Variants in NUP160 observed in about 807,000 individuals in gnomAD.
NUP160 encodes the protein nucleoporin 160, also known as nuclear pore complex protein Nup160.
Under a neutral mutation model 196.9 loss-of-function variants are expected in NUP160, and 94 were observed. The observed-to-expected ratio is 0.48, with a 90% CI of 0.40 to 0.57. The LOEUF (loss-of-function observed/expected upper bound fraction) is 0.57, where lower values mean the gene tolerates loss of function less well. NUP160 is among the 20% of genes least tolerant of loss of function. The pLI, the probability that NUP160 is intolerant of heterozygous loss-of-function variation, is 0.00. For missense variants in NUP160, 1,638 were observed against 1,748.3 expected, an observed-to-expected ratio of 0.94 and a Z score of 1.13; for synonymous variants, 605 against 619.7, an observed-to-expected ratio of 0.98 and a Z score of 0.35.
intron 4 of NUP160, among the ~76,000 whole-genome samples, chr11:47,839,350 C>T (rs978171513): frequency 6.6e-6 from 1 of 152,150 alleles, no homozygotes; most frequent in African/African-American, 2.4e-5. Context: ...CTTGGCCTCC[C>T]ACAGTGCTGG....
chr11:47,838,641 C>T (rs10838776), intron 4 of NUP160, among the ~76,000 whole-genome samples: 52,545 of 148,956 alleles, frequency 0.35, 10,538 homozygotes, highest in South Asian at 0.53. Flanking sequence ...CTGGGGGGGG[C>T]GGAGGTTGCA....
exon 22 of NUP160, chr11:47,803,512 A>T: frequency 6.2e-7 from 1 of 1,609,956 alleles, no homozygotes; most frequent in Non-Finnish European, 8.5e-7. Flanking sequence ...ACTTGACACC[A>T]GGGATGTAGC....
At chr11:47,811,496 A>G (rs79570866) in intron 17 of NUP160, among the ~76,000 whole-genome samples, 69 of 151,944 alleles carry the variant, frequency 4.5e-4, no homozygotes, top group African/African-American at 1.6e-3. Flanking sequence ...AAAAAAAAAA[A>G]AGAGAGAGAG....
In NUP160 at chr11:47,785,068, A is replaced by C; in HGVS notation, c.3849-5T>G. The C allele has an allele frequency of 7.0e-7, 1 of 1,422,828 alleles. No homozygotes were observed. Among genetic ancestry groups the C allele is most frequent in the Non-Finnish European group, 9.4e-7 (1 of 1,068,840 alleles). The allele number at this position is 1,422,828 out of a possible 1,614,324, so 88.1% of individuals were successfully genotyped here. ...CGCCATGCTTCATCTGTAGCACTTG[A>C]AAAAAACAAAAATGACTAATGAGTT... On this transcript the variant is annotated splice_polypyrimidine_tract_variant and splice_region_variant and intron_variant, in intron 32 of 35. Coordinates refer to ENST00000378460, the Ensembl canonical transcript of NUP160.
intron 18 of NUP160, among the ~76,000 whole-genome samples, chr11:47,807,793 T>C (rs6485783): frequency 0.2 from 30,588 of 152,184 alleles, 3,496 homozygotes; most frequent in East Asian, 0.31. Flanking sequence ...GTATTTTATA[T>C]TCAACATAAT....
chr11:47,804,563 A>C, exon 21 of NUP160: 1 of 1,538,654 alleles, frequency 6.5e-7, no homozygotes, highest in Non-Finnish European at 8.7e-7. Flanking sequence ...AATTGTACAT[A>C]TTGGCAATTT....
In NUP160 at chr11:47,821,778, GC is replaced by G; in HGVS notation, c.1222del (p.Ala408ProfsTer11). The G allele has an allele frequency of 1.2e-6, 2 of 1,614,058 alleles. No individual in the cohort carries two copies. The highest frequency in any genetic ancestry group is 1.7e-6 in the Non-Finnish European group (2 of 1,179,962). On this transcript the variant is annotated frameshift_variant, in exon 9 of 36. Transcript: ENST00000378460. LOFTEE classifies it high-confidence loss of function. ...TTGGTTCTCAGCATCATGCCACAGG[GC>G]CCAGATATCCGTGGAAGTTAAGGCA...
chr11:47,793,280 C>CGGCCAAGGGTTATTAAG, intron 27 of NUP160, among the ~76,000 whole-genome samples: 1 of 152,154 alleles, frequency 6.6e-6, no homozygotes, highest in Non-Finnish European at 1.5e-5. Context: ...CCACCACACC[C>CGGCCAAGGGTTATTAAG]AGCCTTCCAA....
intron 34 of NUP160, among the ~76,000 whole-genome samples, chr11:47,782,101 G>A (rs956634560): frequency 1.3e-5 from 2 of 151,506 alleles, no homozygotes; most frequent in Non-Finnish European, 2.9e-5. Context: ...GGCCAACATG[G>A]TGAAGCCCCA....
intron 10 of NUP160, 25 bp downstream of exon 10, chr11:47,819,347 TTA>T: frequency 7.0e-7 from 1 of 1,422,590 alleles, no homozygotes; most frequent in Non-Finnish European, 9.9e-7. Context: ...AATCATTCCC[TTA>T]TATAACATTT....
chr11:47,842,315 C>T (rs1025111410), intron 2 of NUP160, among the ~76,000 whole-genome samples: 14 of 152,264 alleles, frequency 9.2e-5, no homozygotes, highest in East Asian at 7.7e-4. Flanking sequence ...ACCTTTTCAG[C>T]GCTGATGATT....
At chr11:47,844,936 A>C (rs1852370691) in intron 2 of NUP160, among the ~76,000 whole-genome samples, 1 of 152,098 alleles carries the variant, frequency 6.6e-6, no homozygotes, top group Non-Finnish European at 1.5e-5. Flanking sequence ...GACAAGGGTG[A>C]CCTCCAGTTG....
chr11:47,799,209 C>T (rs1166890011), intron 23 of NUP160, among the ~76,000 whole-genome samples: 3 of 151,808 alleles, frequency 2.0e-5, no homozygotes, highest in Non-Finnish European at 4.4e-5. Context: ...CCTCAGCCTC[C>T]TGTGTAGCTG....
chr11:47,818,032 A>G (rs1326554908), intron 11 of NUP160, 24 bp downstream of exon 11: 20 of 1,493,678 alleles, frequency 1.3e-5, no homozygotes, highest in Admixed American at 3.5e-5. Flanking sequence ...AGTCTTAAAC[A>G]AACAGTAAAT....
chr11:47,829,534 TGG>T (rs1599340463), intron 7 of NUP160, among the ~76,000 whole-genome samples: 3 of 152,156 alleles, frequency 2.0e-5, no homozygotes, highest in African/African-American at 7.2e-5. Context: ...CTCAAATACC[TGG>T]CCTCAAGTGA....
chr11:47,796,152 T>TAAAA (rs35398008), intron 27 of NUP160: 5 of 118,684 alleles, frequency 4.2e-5, no homozygotes, highest in South Asian at 2.1e-4. Context: ...AGACTTCATC[T>TAAAA]AAAAAAAAAA....
At chr11:47,818,004 A>G in intron 11 of NUP160, 52 bp downstream of exon 11, 1 of 1,068,402 alleles carries the variant, frequency 9.4e-7, no homozygotes, top group Non-Finnish European at 1.4e-6. Context: ...AATTATATAC[A>G]GTAATAAAAT....
chr11:47,800,251 G>A (rs868535691), intron 23 of NUP160, among the ~76,000 whole-genome samples: 87 of 139,824 alleles, frequency 6.2e-4, no homozygotes, highest in African/African-American at 1.8e-3. Flanking sequence ...AAAAAAAAAA[G>A]GAAAAAAAAA....
intron 34 of NUP160, among the ~76,000 whole-genome samples, chr11:47,782,306 ATATATATATATATATATATATATATATAT>A (rs2097661766): frequency 1.7e-4 from 7 of 42,322 alleles, no homozygotes; most frequent in African/African-American, 7.9e-4. Context: ...AAAAAAAAAT[ATATATATATATATATATATATATATATAT>A]ATATATATAT....
Sources: allele counts gnomAD v4.1 joint callset (sites outside exome capture counted in the v4.1 genomes callset), GRCh38; gene constraint gnomAD v4.1.1; transcripts MANE v1.5; gene names NCBI Gene and HGNC (gene_info 2026-07-23, HGNC 2026-07-21).